GPD2: variants seen among roughly 807,000 people sequenced by gnomAD.
The protein encoded by GPD2 is glycerol-3-phosphate dehydrogenase 2.
A neutral mutation model predicts 82.4 loss-of-function variants in GPD2; 54 were observed. The ratio of observed to expected loss-of-function variants is 0.66; its 90% CI spans 0.53 to 0.82. The LOEUF (loss-of-function observed/expected upper bound fraction) is 0.82. Ranked by LOEUF, GPD2 falls within the 40% of genes least tolerant of loss-of-function variation. The pLI is 0.00. For missense variants in GPD2, 748 were observed against 896.2 expected (o/e 0.83, Z 2.11); for synonymous variants, 288 against 306.1 (o/e 0.94, Z 0.62).
the GPD2 span, among the ~76,000 whole-genome samples, chr2:156,416,693 C>A: frequency 6.6e-6 from 1 of 152,024 alleles, no homozygotes; most frequent in Non-Finnish European, 1.5e-5. Flanking sequence ...TTATGTGTCA[C>A]TCTTTCAGAC....
At chr2:156,551,896 T>A (rs546467197) in intron 8 of GPD2, among the ~76,000 whole-genome samples, 1 of 152,190 alleles carries the variant, frequency 6.6e-6, no homozygotes, top group Non-Finnish European at 1.5e-5. Context: ...GTGAGAGTTA[T>A]TTCTTTCCAT....
chr2:156,481,212 A>C (rs1683717645), intron 2 of GPD2, among the ~76,000 whole-genome samples: 1 of 152,214 alleles, frequency 6.6e-6, no homozygotes, highest in South Asian at 2.1e-4. Context: ...TATGGAATGC[A>C]GAATGATATT....
chr2:156,551,001 G>C (rs1464780959), intron 8 of GPD2, among the ~76,000 whole-genome samples: 1 of 152,218 alleles, frequency 6.6e-6, no homozygotes, highest in African/African-American at 2.4e-5. Context: ...GTCACCTTCA[G>C]AGACTAAGCA....
At chr2:156,493,781 A>C (rs547791668) in intron 2 of GPD2, among the ~76,000 whole-genome samples, 1 of 152,186 alleles carries the variant, frequency 6.6e-6, no homozygotes, top group Non-Finnish European at 1.5e-5. Flanking sequence ...TGTCAGTCTC[A>C]TGTCCAAGTC....
At chr2:156,538,520 C>T (rs1263932435) in intron 6 of GPD2, among the ~76,000 whole-genome samples, 1 of 151,226 alleles carries the variant, frequency 6.6e-6, no homozygotes, top group African/African-American at 2.4e-5. Flanking sequence ...ATTTGAATAA[C>T]CAAATTAAGA....
rs1684369976 is a variant in GPD2 at position 156,496,220 on chromosome 2, G to C, written c.274+5G>C. The stretch of plus-strand genomic sequence containing the variant: ...CGCTAGATGCTGTCACCAGAGGTAA[G>C]TCTTTTTTTTTTTTATTTTAATTTT... On this transcript the variant is annotated splice_donor_5th_base_variant and intron_variant, in intron 3 of 16. Coordinates refer to ENST00000438166, the MANE Select transcript of GPD2 (RefSeq NM_000408.5). The C allele has an allele frequency of 1.9e-6, 3 of 1,581,326 alleles. No individual in the cohort carries two copies. The highest frequency in any genetic ancestry group is 2.6e-6 in the Non-Finnish European group (3 of 1,151,972).
At chr2:156,563,645 T>G (rs1417097670) in intron 9 of GPD2, among the ~76,000 whole-genome samples, 1 of 152,144 alleles carries the variant, frequency 6.6e-6, no homozygotes, top group Non-Finnish European at 1.5e-5. Context: ...ATAAAGTGTT[T>G]AGGAGCTATT....
chr2:156,416,062 A>G, the GPD2 span, among the ~76,000 whole-genome samples: 31 of 151,768 alleles, frequency 2.0e-4, no homozygotes, highest in African/African-American at 7.5e-4. Flanking sequence ...TAAAATAAAA[A>G]ATAGCCTCCA....
chr2:156,451,758 T>C (rs1310620295), intron 1 of GPD2, among the ~76,000 whole-genome samples: 2 of 147,906 alleles, frequency 1.4e-5, no homozygotes, highest in Non-Finnish European at 3.0e-5. Context: ...CCCCCCCACC[T>C]CCCTCCCAGA....
chr2:156,563,723 G>A lies in GPD2; in HGVS notation c.1166-5102G>A, dbSNP rs562634072. Among the ~76,000 whole-genome samples, 6 of 152,226 alleles carry A rather than the reference G, an allele frequency of 3.9e-5. No individual in the cohort carries two copies. In the East Asian group the frequency reaches 5.8e-4, roughly 15 times the overall value. ...TCCAATTTCAGTGAAAGGATGCTCC[G>A]TTGGAGATGTAGGCAAGGTGGCCAG... On this transcript the variant is annotated intron_variant, in intron 9 of 16. Coordinates refer to ENST00000438166, the MANE Select transcript of GPD2 (RefSeq NM_000408.5).
At chr2:156,521,873 G>T (rs912148075) in intron 6 of GPD2, among the ~76,000 whole-genome samples, 13 of 152,058 alleles carry the variant, frequency 8.5e-5, no homozygotes, top group Admixed American at 2.0e-4. Context: ...TTTTAATCTT[G>T]ATTTCCTACT....
In GPD2 at chr2:156,586,270, T is replaced by A. The variant is rs915944983; in HGVS notation, c.*3352T>A. ...TGTTTTTGATGACACAAAAGTGAAA[T>A]ATCTACAGAGATAGATGTAATTTTA... On this transcript the variant is annotated 3_prime_UTR_variant, in exon 17 of 17. Transcript: ENST00000438166. 1 of 152,398 alleles carries A rather than the reference T, an allele frequency of 6.6e-6. No individual in the cohort carries two copies. Among genetic ancestry groups the A allele is most frequent in the Non-Finnish European group, 1.5e-5 (1 of 67,968 alleles). The allele number at this position is 152,398 out of a possible 1,614,324, so 9.4% of individuals were successfully genotyped here. A position where few individuals can be genotyped will look rare whatever the true frequency, so the allele number is the denominator to read the frequency against.
At chr2:156,453,832 A>G (rs976050871) in intron 1 of GPD2, among the ~76,000 whole-genome samples, 1 of 152,154 alleles carries the variant, frequency 6.6e-6, no homozygotes, top group Non-Finnish European at 1.5e-5. Context: ...AGCTGAGATC[A>G]CGCCACTTCA....
At chr2:156,543,102 C>T (rs1349465152) in intron 6 of GPD2, among the ~76,000 whole-genome samples, 1 of 152,156 alleles carries the variant, frequency 6.6e-6, no homozygotes, top group Non-Finnish European at 1.5e-5. Context: ...TTAACTTTAT[C>T]ACTAGCCTCC....
At chr2:156,425,971 G>A in the GPD2 span, among the ~76,000 whole-genome samples, 2 of 149,252 alleles carry the variant, frequency 1.3e-5, no homozygotes, top group African/African-American at 4.9e-5. Context: ...TGCCCAGGCT[G>A]GAGTGCAGTG....
rs928944281 is a variant in GPD2, at chr2:156,557,324, C to T, written c.972-65C>T. On this transcript the variant is annotated intron_variant, in intron 8 of 16. Coordinates refer to ENST00000438166, the MANE Select transcript of GPD2 (RefSeq NM_000408.5). ...GAGAATTAATGAATAAATAGTTTTT[C>T]GAATGCAGATTAATGTTAAACTTCT... 2.4e-5 allele frequency: 23 copies of T among 974,176 alleles called. No individual in the cohort carries two copies. The East Asian group carries it at 3.2e-4, about 14-fold the overall frequency. The allele number at this position is 974,176 out of a possible 1,614,324, so 60.3% of individuals were successfully genotyped here. A position where few individuals can be genotyped will look rare whatever the true frequency, so the allele number is the denominator to read the frequency against.
intron 1 of GPD2, among the ~76,000 whole-genome samples, chr2:156,451,751 C>G (rs1179253208): frequency 6.6e-6 from 1 of 150,500 alleles, no homozygotes; most frequent in Non-Finnish European, 1.5e-5. Context: ...GGGCTGACCC[C>G]CCCACCTCCC....
At chr2:156,459,284 C>A (rs192327485) in intron 1 of GPD2, among the ~76,000 whole-genome samples, 163 of 152,164 alleles carry the variant, frequency 1.1e-3, no homozygotes, top group Middle Eastern at 0.01. Context: ...TGATGGCAGT[C>A]ATTTGGCATG....
At position 156,530,544 on chromosome 2, in the gene GPD2, T is replaced by TC. The variant is rs1489946770; in HGVS notation, c.661+17049dup. 3.3e-5 allele frequency among the ~76,000 whole-genome samples: 5 copies of TC among 150,496 alleles called. No homozygotes were observed. In the South Asian group the frequency reaches 8.5e-4, roughly 26 times the overall value. On this transcript the variant is annotated intron_variant, in intron 6 of 16. Transcript: ENST00000438166. ...GGGAATGCTTCCAGTTTTTGCCCAT[T>TC]CAGTATGATATTGGCTGTGGGTTTG...
Sources: allele counts gnomAD v4.1 joint callset (sites outside exome capture counted in the v4.1 genomes callset), GRCh38; gene constraint gnomAD v4.1.1; transcripts MANE v1.5; gene names NCBI Gene and HGNC (gene_info 2026-07-23, HGNC 2026-07-21).